The following IMMP2L variants were observed in gnomAD, a reference collection of about 807,000 sequenced individuals.
IMMP2L encodes the protein inner mitochondrial membrane peptidase subunit 2.
Under a neutral mutation model 19.3 loss-of-function variants are expected in IMMP2L, and 18 were observed. The ratio of observed to expected loss-of-function variants is 0.93; its 90% CI spans 0.64 to 1.38. The LOEUF (loss-of-function observed/expected upper bound fraction) is 1.38. Among genes scored for constraint, IMMP2L ranks in the 40% most tolerant of loss-of-function variants. The probability of loss-of-function intolerance (pLI) is 0.00; values close to 1 mark genes in which losing one functional copy is unlikely to be tolerated. For synonymous variants in IMMP2L, 76 were observed against 73.0 expected, an observed-to-expected ratio of 1.04 and a Z score of -0.21; for missense variants, 233 against 218.2, an observed-to-expected ratio of 1.07 and a Z score of -0.43.
intron 3 of IMMP2L, among the ~76,000 whole-genome samples, chr7:111,296,012 T>C (rs1344087733): frequency 7.4e-6 from 1 of 135,598 alleles, no homozygotes; most frequent in Admixed American, 7.2e-5. Context: ...GCACTAAAAA[T>C]GAAAGAAACA....
chr7:111,419,499 A>C (rs972464018), intron 3 of IMMP2L, among the ~76,000 whole-genome samples: 6 of 151,742 alleles, frequency 4.0e-5, no homozygotes, highest in African/African-American at 1.5e-4. Context: ...CTGCTCACTG[A>C]AATAAATGTG....
intron 3 of IMMP2L, among the ~76,000 whole-genome samples, chr7:111,152,577 G>C (rs1315287589): frequency 6.6e-6 from 1 of 152,014 alleles, no homozygotes; most frequent in Non-Finnish European, 1.5e-5. Flanking sequence ...TTATTCCTTT[G>C]TCATCCTCCC....
At chr7:111,302,243 C>T (rs1822336653) in intron 3 of IMMP2L, among the ~76,000 whole-genome samples, 2 of 152,032 alleles carry the variant, frequency 1.3e-5, no homozygotes, top group South Asian at 4.1e-4. Context: ...ATACAAACAC[C>T]CAAGTTTAAT....
intron 5 of IMMP2L, among the ~76,000 whole-genome samples, chr7:110,851,497 T>C (rs1366922478): frequency 6.6e-6 from 1 of 152,150 alleles, no homozygotes; most frequent in Non-Finnish European, 1.5e-5. Context: ...CCTTTGAAGA[T>C]ATGATTCTGA....
chr7:110,726,091 C>T (rs1795867027), intron 5 of IMMP2L, among the ~76,000 whole-genome samples: 1 of 152,146 alleles, frequency 6.6e-6, no homozygotes. Context: ...AATGGTCTAA[C>T]CCCGGACTCT....
At chr7:111,090,609 T>TA (rs201456063) in intron 3 of IMMP2L, among the ~76,000 whole-genome samples, 25,862 of 113,018 alleles carry the variant, frequency 0.23, 2,655 homozygotes, top group Non-Finnish European at 0.28. Context: ...ATGTCATTGC[T>TA]AAAAAAAAAA....
At chr7:111,112,949 T>C (rs925272445) in intron 3 of IMMP2L, among the ~76,000 whole-genome samples, 1 of 152,172 alleles carries the variant, frequency 6.6e-6, no homozygotes, top group Admixed American at 6.5e-5. Context: ...TTTCCTTTCT[T>C]TCAACGTATG....
intron 3 of IMMP2L, among the ~76,000 whole-genome samples, chr7:111,417,644 G>A (rs1345017102): frequency 6.6e-6 from 1 of 151,814 alleles, no homozygotes; most frequent in Non-Finnish European, 1.5e-5. Flanking sequence ...GCAAATGGGA[G>A]AGAAGCAGAG....
intron 3 of IMMP2L, among the ~76,000 whole-genome samples, chr7:111,153,693 A>C (rs1804321547): frequency 6.6e-6 from 1 of 152,070 alleles, no homozygotes; most frequent in African/African-American, 2.4e-5. Flanking sequence ...CACAGGAAAA[A>C]AGGTACTCAC....
At chr7:111,107,887 A>G (rs1434051011) in intron 3 of IMMP2L, among the ~76,000 whole-genome samples, 1 of 152,124 alleles carries the variant, frequency 6.6e-6, no homozygotes, top group Non-Finnish European at 1.5e-5. Context: ...TTTTAAGTAA[A>G]TTTTACTAGT....
At chr7:111,293,548 T>TA (rs1015500129) in intron 3 of IMMP2L, among the ~76,000 whole-genome samples, 75 of 151,988 alleles carry the variant, frequency 4.9e-4, no homozygotes, top group African/African-American at 1.8e-3. Context: ...ACAAAGCACT[T>TA]ACGGATATGC....
At chr7:111,323,609 A>G (rs920838973) in intron 3 of IMMP2L, among the ~76,000 whole-genome samples, 2 of 152,144 alleles carry the variant, frequency 1.3e-5, no homozygotes, top group African/African-American at 4.8e-5. Context: ...TAGAACTAGA[A>G]ATACCATTTC....
intron 3 of IMMP2L, among the ~76,000 whole-genome samples, chr7:111,376,560 A>G (rs1830693634): frequency 6.6e-6 from 1 of 152,138 alleles, no homozygotes; most frequent in Non-Finnish European, 1.5e-5. Flanking sequence ...CTATATATAT[A>G]TGAGAATTGA....
intron 5 of IMMP2L, among the ~76,000 whole-genome samples, chr7:110,808,836 T>C (rs1438874692): frequency 6.6e-6 from 1 of 152,106 alleles, no homozygotes; most frequent in African/African-American, 2.4e-5. Context: ...TATGGTTCTA[T>C]GTGGTTTTCG....
intron 3 of IMMP2L, among the ~76,000 whole-genome samples, chr7:111,020,044 C>T (rs1174426654): frequency 1.3e-5 from 2 of 150,814 alleles, no homozygotes; most frequent in Non-Finnish European, 2.9e-5. Flanking sequence ...TGAATGTCTG[C>T]TATGTGCTAG....
chr7:111,539,188 G>GAGA lies in IMMP2L; in HGVS notation c.-2-17740_-2-17739insTCT, dbSNP rs1848216474. On this transcript the variant is annotated intron_variant, in intron 1 of 5. Coordinates refer to ENST00000405709, the MANE Select transcript of IMMP2L (RefSeq NM_032549.4). ...GGAAGGAAGGAAGGAAGGAAGGAAG[G>GAGA]AAGGAGGGAGAAAGAAAGAAAGAAA... Among the ~76,000 whole-genome samples the GAGA allele has an allele frequency of 2.9e-5, 2 of 69,084 alleles. 1 individual carries two copies. Among genetic ancestry groups the GAGA allele is most frequent in the African/African-American group, 1.4e-4 (2 of 14,176 alleles). 45.3% of individuals were successfully genotyped at this position (69,084 alleles called of 152,430 possible).
chr7:111,486,365 G>C (rs1563253390), intron 3 of IMMP2L, among the ~76,000 whole-genome samples: 2 of 151,866 alleles, frequency 1.3e-5, no homozygotes, highest in African/African-American at 4.8e-5. Context: ...CATCCAACAA[G>C]AAAAAAATCC....
chr7:111,186,504 T>C (rs1200701641), intron 3 of IMMP2L, among the ~76,000 whole-genome samples: 1 of 152,090 alleles, frequency 6.6e-6, no homozygotes, highest in Non-Finnish European at 1.5e-5. Context: ...CACTGCAGCC[T>C]CCACCTCCTG....
chr7:110,985,386 A>G (rs1213882308), intron 3 of IMMP2L, among the ~76,000 whole-genome samples: 1 of 152,132 alleles, frequency 6.6e-6, no homozygotes, highest in African/African-American at 2.4e-5. Context: ...ACCTCTAAGG[A>G]TCAAGAATCT....
Sources: gnomAD v4.1 joint callset for allele counts (sites outside exome capture counted in the v4.1 genomes callset) on GRCh38, gnomAD v4.1.1 for gene constraint, MANE v1.5 for transcripts, NCBI Gene and HGNC (gene_info 2026-07-23, HGNC 2026-07-21) for gene names.